Variants in ATP9B observed in about 807,000 individuals in gnomAD.
The protein encoded by ATP9B is probable phospholipid-transporting ATPase IIB.
In ATP9B, 110 loss-of-function variants were observed where a neutral mutation model predicts 146.1. The ratio of observed to expected loss-of-function variants is 0.75; its 90% confidence interval spans 0.65 to 0.88. The LOEUF is 0.88. ATP9B is among the 40% of genes least tolerant of loss of function. The pLI is 0.00. For synonymous variants in ATP9B, 604 were observed against 569.7 expected (o/e 1.06, Z -0.86); for missense variants, 1,499 against 1,496.4 (o/e 1.00, Z -0.03).
At chr18:79,347,630 C>T (rs1419538321) in intron 23 of ATP9B, 140 bp from the exon 24 acceptor site, 4 of 1,024,770 alleles carry the variant, frequency 3.9e-6, no homozygotes, top group Non-Finnish European at 5.4e-6. Context: ...CTGTCCCCAT[C>T]GACGGAGCTG....
intron 11 of ATP9B, among the ~76,000 whole-genome samples, chr18:79,237,355 C>T (rs1046270669): frequency 2.2e-4 from 30 of 137,916 alleles, no homozygotes; most frequent in Middle Eastern, 3.6e-3. Flanking sequence ...GGTCCGTGCA[C>T]GAGTCAGTGT....
chr18:79,179,748 A>G (rs1568344058), intron 8 of ATP9B, among the ~76,000 whole-genome samples: 1 of 152,202 alleles, frequency 6.6e-6, no homozygotes, highest in African/African-American at 2.4e-5. Context: ...TGTAAGCTTT[A>G]AAATAATGTT....
chr18:79,133,569 G>A (rs1003818218), intron 5 of ATP9B, among the ~76,000 whole-genome samples: 1 of 151,630 alleles, frequency 6.6e-6, no homozygotes, highest in Non-Finnish European at 1.5e-5. Context: ...ACTCAGGTGT[G>A]GCCATATAGA....
chr18:79,123,425 G>A (rs972826781), intron 4 of ATP9B, among the ~76,000 whole-genome samples: 2 of 151,870 alleles, frequency 1.3e-5, no homozygotes, highest in African/African-American at 4.8e-5. Flanking sequence ...GGAAAGTCAT[G>A]TTCATGAGTT....
intron 1 of ATP9B, among the ~76,000 whole-genome samples, chr18:79,091,823 T>C (rs1025242731): frequency 2.0e-5 from 3 of 152,208 alleles, no homozygotes; most frequent in African/African-American, 7.2e-5. Context: ...CGAGTAACAG[T>C]GGTGACAGTG....
chr18:79,258,438 A>AAAT (rs766216188), intron 12 of ATP9B, among the ~76,000 whole-genome samples: 1 of 152,164 alleles, frequency 6.6e-6, no homozygotes, highest in Non-Finnish European at 1.5e-5. Context: ...TCGAAAGAAA[A>AAAT]AATAATAATA....
rs139748899 is a variant in ATP9B, at chr18:79,275,918, A to G, written c.1269-1136A>G. 2.6e-4 allele frequency among the ~76,000 whole-genome samples: 40 copies of G among 152,360 alleles called. No homozygotes were observed. In the East Asian group the frequency reaches 7.3e-3, roughly 28 times the overall value. ...CTATGGACAGATAAGTCAAAGTATG[A>G]TTATTTAATGTTCTTTAACTTACAT... On this transcript the variant is annotated intron_variant, in intron 12 of 29. Coordinates refer to ENST00000426216, the MANE Select transcript of ATP9B (RefSeq NM_198531.5).
chr18:79,287,171 T>G (rs188047305), intron 13 of ATP9B, among the ~76,000 whole-genome samples: 355 of 152,344 alleles, frequency 2.3e-3, no homozygotes, highest in Non-Finnish European at 3.7e-3. Flanking sequence ...TTCTATTGAT[T>G]GGAATAGTTT....
intron 12 of ATP9B, among the ~76,000 whole-genome samples, chr18:79,267,629 TTCTTA>T (rs2096216413): frequency 6.6e-6 from 1 of 152,120 alleles, no homozygotes; most frequent in South Asian, 2.1e-4. Context: ...ACAAACTTAT[TTCTTA>T]TCTTAATTTA....
At chr18:79,123,389 GAAAA>G (rs1001314467) in intron 4 of ATP9B, among the ~76,000 whole-genome samples, 3 of 151,072 alleles carry the variant, frequency 2.0e-5, no homozygotes, top group Non-Finnish European at 3.0e-5. Context: ...AAAGAATTTT[GAAAA>G]AAAAGAAAGG....
At chr18:79,264,136 G>C (rs906796059) in intron 12 of ATP9B, among the ~76,000 whole-genome samples, 3 of 152,150 alleles carry the variant, frequency 2.0e-5, no homozygotes, top group Non-Finnish European at 2.9e-5. Flanking sequence ...CTACTTGGCT[G>C]TGTTATTTGT....
intron 26 of ATP9B, chr18:79,364,133 G>A (rs1282115867): frequency 1.3e-5 from 2 of 152,120 alleles, no homozygotes; most frequent in Non-Finnish European, 2.9e-5. Flanking sequence ...GTGCATGGTG[G>A]CGCGCACCTG....
At chr18:79,361,809 G>A (rs2096990799) in intron 26 of ATP9B, 5 of 985,480 alleles carry the variant, frequency 5.1e-6, no homozygotes, top group Non-Finnish European at 6.0e-6. Context: ...GAGACTGGAT[G>A]TGCCAACGCA....
At chr18:79,261,519 G>A (rs2096141337) in intron 12 of ATP9B, among the ~76,000 whole-genome samples, 1 of 152,090 alleles carries the variant, frequency 6.6e-6, no homozygotes, top group South Asian at 2.1e-4. Context: ...GAGCTGGAGA[G>A]AGGCAGAGCA....
At chr18:79,360,830 AC>A (rs1227671951) in intron 26 of ATP9B, 6 of 152,222 alleles carry the variant, frequency 3.9e-5, no homozygotes, top group African/African-American at 1.4e-4. Flanking sequence ...CCCAGGTCAC[AC>A]CTACTATAAC....
intron 2 of ATP9B, among the ~76,000 whole-genome samples, chr18:79,102,724 G>A (rs1447462011): frequency 6.6e-6 from 1 of 152,024 alleles, no homozygotes; most frequent in African/African-American, 2.4e-5. Flanking sequence ...ATTAGTTTGG[G>A]GGGGATTGAC....
rs141838638 is a variant in ATP9B at position 79,341,039 on chromosome 18, A to G, written c.2284-1229A>G. Among the ~76,000 whole-genome samples the G allele has an allele frequency of 2.5e-3, 375 of 152,262 alleles. 2 individuals carry two copies. Among genetic ancestry groups the G allele is most frequent in the South Asian group, 6.4e-3 (31 of 4,830 alleles). On this transcript the variant is annotated intron_variant, in intron 19 of 29. Coordinates refer to ENST00000426216, the MANE Select transcript of ATP9B (RefSeq NM_198531.5). ...AGTGCCGGGCCCAGGTGTTACTCAC[A>G]TGCCTCCATATCTCAGCTGCTGTAT... is the stretch of plus-strand genomic sequence containing the variant.
chr18:79,167,983 C>T (rs1032103392), intron 7 of ATP9B, among the ~76,000 whole-genome samples: 1 of 152,236 alleles, frequency 6.6e-6, no homozygotes, highest in Non-Finnish European at 1.5e-5. Context: ...GAGGGCCAAG[C>T]CGGCAGAGTG....
chr18:79,295,821 T>G (rs545094581), intron 13 of ATP9B, among the ~76,000 whole-genome samples: 1 of 152,228 alleles, frequency 6.6e-6, no homozygotes, highest in East Asian at 1.9e-4. Flanking sequence ...GCAGATTCCC[T>G]CTCCCAGCCC....
Sources: allele counts gnomAD v4.1 joint callset (sites outside exome capture counted in the v4.1 genomes callset), GRCh38; gene constraint gnomAD v4.1.1; transcripts MANE v1.5; gene names NCBI Gene and HGNC (gene_info 2026-07-23, HGNC 2026-07-21).